Variants in ADAMTSL1 observed in about 807,000 individuals in gnomAD.
ADAMTSL1 encodes the protein ADAMTS like 1, also known as ADAMTS-like protein 1.
In ADAMTSL1, 126 loss-of-function variants were observed where a neutral mutation model predicts 201.8. The observed-to-expected ratio is 0.62, with a 90% CI of 0.54 to 0.72. The LOEUF (loss-of-function observed/expected upper bound fraction) is 0.72, where lower values mean the gene tolerates loss of function less well. Ranked by LOEUF, ADAMTSL1 falls within the 30% of genes least tolerant of loss-of-function variation. The probability of loss-of-function intolerance (pLI) is 0.00; values close to 1 mark genes in which losing one functional copy is unlikely to be tolerated. For synonymous variants in ADAMTSL1, 1,121 were observed against 903.4 expected (o/e 1.24, Z -4.32); for missense variants, 2,679 against 2,277.8 (o/e 1.18, Z -3.59).
intron 23 of ADAMTSL1, among the ~76,000 whole-genome samples, chr9:18,851,912 G>C (rs1022169511): frequency 2.6e-4 from 39 of 152,344 alleles, no homozygotes; most frequent in African/African-American, 7.7e-4. Context: ...GGAAGCTGCT[G>C]ATCACCAGCT....
chr9:18,402,220 C>T (rs1032923847), intron 2 of ADAMTSL1, among the ~76,000 whole-genome samples: 3 of 152,174 alleles, frequency 2.0e-5, no homozygotes, highest in African/African-American at 7.2e-5. Context: ...AACCATTCCT[C>T]TTCTACACCA....
intron 4 of ADAMTSL1, among the ~76,000 whole-genome samples, chr9:18,583,978 T>C (rs1823292970): frequency 6.6e-6 from 1 of 152,248 alleles, no homozygotes; most frequent in Non-Finnish European, 1.5e-5. Flanking sequence ...ACTTGCTTTG[T>C]CTCAGATGAG....
intron 16 of ADAMTSL1, among the ~76,000 whole-genome samples, chr9:18,761,596 T>C (rs1210366926): frequency 6.6e-6 from 1 of 152,216 alleles, no homozygotes. Context: ...CATTTTTTAT[T>C]TAATTTCATT....
chr9:18,275,700 C>T (rs181823476), intron 2 of ADAMTSL1, among the ~76,000 whole-genome samples: 11 of 152,192 alleles, frequency 7.2e-5, no homozygotes, highest in African/African-American at 1.2e-4. Context: ...TCTATTCCTT[C>T]GTATTGCTGA....
intron 15 of ADAMTSL1, among the ~76,000 whole-genome samples, chr9:18,726,378 G>A (rs1446046856): frequency 6.6e-6 from 1 of 151,896 alleles, no homozygotes; most frequent in African/African-American, 2.4e-5. Flanking sequence ...GTTGGTTGAG[G>A]GGGGTGCCTG....
intron 21 of ADAMTSL1, among the ~76,000 whole-genome samples, chr9:18,823,596 G>A (rs1034359793): frequency 5.3e-5 from 8 of 152,098 alleles, no homozygotes; most frequent in African/African-American, 1.9e-4. Context: ...CTCCCCCTGA[G>A]TCTTTGTGTT....
chr9:18,723,292 G>C (rs1385269695), intron 15 of ADAMTSL1: 1 of 580,774 alleles, frequency 1.7e-6, no homozygotes, highest in Non-Finnish European at 3.1e-6. Flanking sequence ...TTTCTGTTCT[G>C]CTTATTTGCC....
intron 2 of ADAMTSL1, among the ~76,000 whole-genome samples, chr9:18,166,428 T>C (rs1827636544): frequency 1.3e-5 from 2 of 151,936 alleles, no homozygotes; most frequent in African/African-American, 4.8e-5. Context: ...AATGTGAACA[T>C]CCTTCTAAAT....
At chr9:18,725,237 A>T (rs1817805597) in intron 15 of ADAMTSL1, among the ~76,000 whole-genome samples, 1 of 152,196 alleles carries the variant, frequency 6.6e-6, no homozygotes, top group South Asian at 2.1e-4. Flanking sequence ...TCATGTATGT[A>T]TGGCAAAGTA....
intron 4 of ADAMTSL1, among the ~76,000 whole-genome samples, chr9:18,620,164 C>CA (rs1564094271): frequency 6.6e-6 from 1 of 152,000 alleles, no homozygotes; most frequent in African/African-American, 2.4e-5. Context: ...CATCTCAGCT[C>CA]AAAAAAGTCT....
intron 15 of ADAMTSL1, chr9:18,722,985 T>C (rs1165484078): frequency 1.3e-6 from 1 of 774,908 alleles, no homozygotes; most frequent in Non-Finnish European, 2.4e-6. Context: ...GCACCAACTT[T>C]TCTATTTGAC....
chr9:17,943,495 G>T (rs969943075), intron 1 of ADAMTSL1, among the ~76,000 whole-genome samples: 4 of 152,046 alleles, frequency 2.6e-5, no homozygotes, highest in African/African-American at 9.7e-5. Flanking sequence ...GTGGGTGGGG[G>T]TAGTGCCAAA....
intron 1 of ADAMTSL1, among the ~76,000 whole-genome samples, chr9:18,498,573 G>A (rs1822657717): frequency 6.6e-6 from 1 of 152,048 alleles, no homozygotes. Context: ...CTTGCCCTCA[G>A]CTGATCCGCC....
At chr9:18,865,776 C>A (rs1827492948) in intron 23 of ADAMTSL1, among the ~76,000 whole-genome samples, 1 of 152,112 alleles carries the variant, frequency 6.6e-6, no homozygotes, top group Non-Finnish European at 1.5e-5. Context: ...CCAGAACTCT[C>A]ATTAGAAAGC....
chr9:18,384,822 T>A (rs1837719452), intron 2 of ADAMTSL1, among the ~76,000 whole-genome samples: 1 of 152,146 alleles, frequency 6.6e-6, no homozygotes, highest in African/African-American at 2.4e-5. Context: ...CTTAATGAGC[T>A]CTCCTGATTG....
chr9:18,290,281 A>ATTTT (rs35411626), intron 2 of ADAMTSL1, among the ~76,000 whole-genome samples: 148 of 147,880 alleles, frequency 1.0e-3, no homozygotes, highest in South Asian at 4.4e-3. Context: ...AGGGGATTAG[A>ATTTT]TTTTTTTTTT....
chr9:18,157,365 A>G (rs4147272), intron 1 of ADAMTSL1, among the ~76,000 whole-genome samples: 35,782 of 150,892 alleles, frequency 0.24, 4,645 homozygotes, highest in South Asian at 0.31. Context: ...GTAGATATCT[A>G]TCTACTTTAA....
chr9:17,941,209 T>G (rs1185461350), intron 1 of ADAMTSL1, among the ~76,000 whole-genome samples: 1 of 152,206 alleles, frequency 6.6e-6, no homozygotes, highest in Non-Finnish European at 1.5e-5. Flanking sequence ...GGCAGGTGAT[T>G]TCATAGATAT....
At chr9:18,096,965 T>C (rs561085950) in intron 1 of ADAMTSL1, among the ~76,000 whole-genome samples, 1 of 152,228 alleles carries the variant, frequency 6.6e-6, no homozygotes, top group Non-Finnish European at 1.5e-5. Flanking sequence ...ATAAAAGGCA[T>C]CCATTGTAAG....
Sources: allele counts gnomAD v4.1 joint callset (sites outside exome capture counted in the v4.1 genomes callset), GRCh38; gene constraint gnomAD v4.1.1; transcripts MANE v1.5; gene names NCBI Gene and HGNC (gene_info 2026-07-23, HGNC 2026-07-21).